AGMO: variants seen among roughly 807,000 people sequenced by gnomAD.
AGMO encodes the protein glyceryl-ether monooxygenase.
Under a neutral mutation model 60.2 loss-of-function variants are expected in AGMO, and 75 were observed. The ratio of observed to expected loss-of-function variants is 1.25; its 90% confidence interval spans 1.03 to 1.51. AGMO has a LOEUF of 1.51. AGMO is among the 40% of genes most tolerant of loss of function. AGMO has a pLI of 0.00. For missense variants in AGMO, 763 were observed against 525.5 expected (o/e 1.45, Z -4.42); for synonymous variants, 261 against 177.1 (o/e 1.47, Z -3.76).
intron 3 of AGMO, among the ~76,000 whole-genome samples, chr7:15,534,120 G>A (rs933349999): frequency 5.9e-5 from 9 of 151,914 alleles, no homozygotes; most frequent in African/African-American, 2.2e-4. Context: ...ATTAGCGTAA[G>A]AGAAGAAAGA....
chr7:15,214,052 T>C (rs1257273788), intron 12 of AGMO, among the ~76,000 whole-genome samples: 1 of 152,014 alleles, frequency 6.6e-6, no homozygotes, highest in Non-Finnish European at 1.5e-5. Context: ...AGTTTTTACA[T>C]GATCCATAAT....
chr7:15,365,784 C>G (rs573662856), intron 11 of AGMO, among the ~76,000 whole-genome samples, 165 bp from the exon 12 acceptor site: 13 of 152,134 alleles, frequency 8.5e-5, no homozygotes, highest in African/African-American at 2.9e-4. Context: ...TAAGAAAGAA[C>G]ACTCATCTTT....
intron 12 of AGMO, among the ~76,000 whole-genome samples, chr7:15,350,325 A>G (rs1273177912): frequency 6.6e-6 from 1 of 152,182 alleles, no homozygotes; most frequent in East Asian, 1.9e-4. Context: ...GCAAATATAA[A>G]ATCAGTTAAC....
intron 3 of AGMO, among the ~76,000 whole-genome samples, chr7:15,478,235 T>A (rs2128516020): frequency 6.6e-6 from 1 of 152,254 alleles, no homozygotes; most frequent in Non-Finnish European, 1.5e-5. Context: ...AGAAGTTGAA[T>A]TCATGCACTC....
At chr7:15,481,244 A>G (rs1782740427) in intron 3 of AGMO, among the ~76,000 whole-genome samples, 1 of 152,116 alleles carries the variant, frequency 6.6e-6, no homozygotes, top group African/African-American at 2.4e-5. Flanking sequence ...CCAGGATCCT[A>G]TCTGCATGTC....
intron 3 of AGMO, among the ~76,000 whole-genome samples, chr7:15,541,577 A>C (rs538972791): frequency 5.3e-5 from 8 of 152,208 alleles, no homozygotes; most frequent in Non-Finnish European, 1.2e-4. Context: ...CATAATTAGC[A>C]ATTTCTTTTT....
At chr7:15,350,442 AAGTTATTAG>A (rs1429723702) in intron 12 of AGMO, among the ~76,000 whole-genome samples, 1 of 152,154 alleles carries the variant, frequency 6.6e-6, no homozygotes, top group Non-Finnish European at 1.5e-5. Flanking sequence ...TTAAATAGCA[AAGTTATTAG>A]AGGTAGATAA....
intron 12 of AGMO, among the ~76,000 whole-genome samples, chr7:15,229,582 C>T (rs1326558858): frequency 6.7e-6 from 1 of 148,900 alleles, no homozygotes; most frequent in East Asian, 2.0e-4. Flanking sequence ...AGGGGAAAAA[C>T]GTGAGAACTT....
intron 12 of AGMO, among the ~76,000 whole-genome samples, chr7:15,363,571 G>A (rs1013727258): frequency 2.6e-5 from 4 of 152,020 alleles, no homozygotes; most frequent in Admixed American, 6.6e-5. Context: ...CAGGCAATAC[G>A]GCTTCAAAGT....
At chr7:15,354,387 T>TATATAGACGC (rs1563105157) in intron 12 of AGMO, among the ~76,000 whole-genome samples, 827 of 38,150 alleles carry the variant, frequency 0.022, 82 homozygotes, top group Non-Finnish European at 0.025. Context: ...TATACACGTG[T>TATATAGACGC]GTGTATACAC....
the AGMO span, among the ~76,000 whole-genome samples, chr7:15,147,840 A>C: frequency 6.6e-6 from 1 of 152,200 alleles, no homozygotes; most frequent in Non-Finnish European, 1.5e-5. Context: ...GTAATGGTAA[A>C]AAAAATACTG....
At chr7:15,178,443 G>T in the AGMO span, among the ~76,000 whole-genome samples, 1 of 152,094 alleles carries the variant, frequency 6.6e-6, no homozygotes, top group African/African-American at 2.4e-5. Flanking sequence ...GAAACACTTG[G>T]TTCCTTAGTT....
At chr7:15,501,481 T>TA (rs896156822) in intron 3 of AGMO, among the ~76,000 whole-genome samples, 379 of 149,574 alleles carry the variant, frequency 2.5e-3, no homozygotes, top group Non-Finnish European at 4.3e-3. Context: ...AAATTTTTAT[T>TA]AAAAAAAAAA....
the AGMO span, among the ~76,000 whole-genome samples, chr7:15,182,416 T>C: frequency 6.6e-6 from 1 of 152,156 alleles, no homozygotes; most frequent in Non-Finnish European, 1.5e-5. Flanking sequence ...ACTGTTTTTA[T>C]TTATTTATTA....
intron 3 of AGMO, among the ~76,000 whole-genome samples, chr7:15,498,851 G>A (rs541527566): frequency 6.6e-6 from 1 of 151,916 alleles, no homozygotes; most frequent in African/African-American, 2.4e-5. Flanking sequence ...TTTCTCAGCA[G>A]TGCTTCTAGA....
chr7:15,238,370 A>C lies in AGMO; in HGVS notation c.1264-37011T>G, dbSNP rs116649327. 8.6e-3 allele frequency among the ~76,000 whole-genome samples: 1,302 copies of C among 152,010 alleles called. 14 individuals are homozygous for C. The highest frequency in any genetic ancestry group is 0.03 in the African/African-American group (1,247 of 41,528). ...AAGTTCCAGGTGAAAATTATAGTTA[A>C]CAATAATTTATTGAATATTTTGAAA... On this transcript the variant is annotated intron_variant, in intron 12 of 12. Transcript: ENST00000342526.
chr7:15,296,847 C>A (rs1247899313), intron 12 of AGMO, among the ~76,000 whole-genome samples: 1 of 152,068 alleles, frequency 6.6e-6, no homozygotes, highest in African/African-American at 2.4e-5. Flanking sequence ...GAAATTTGTC[C>A]TTGAGTCTTA....
chr7:15,299,915 C>T (rs112945714), intron 12 of AGMO, among the ~76,000 whole-genome samples: 3 of 150,342 alleles, frequency 2.0e-5, no homozygotes, highest in African/African-American at 7.3e-5. Flanking sequence ...CATATCCTTT[C>T]CTCTTACTTA....
chr7:15,545,514 T>C (rs1272504982), intron 2 of AGMO, among the ~76,000 whole-genome samples: 1 of 151,876 alleles, frequency 6.6e-6, no homozygotes, highest in African/African-American at 2.4e-5. Flanking sequence ...ATATATATTA[T>C]ACTTATCATC....
Sources: allele counts gnomAD v4.1 joint callset (sites outside exome capture counted in the v4.1 genomes callset), GRCh38; gene constraint gnomAD v4.1.1; transcripts MANE v1.5; gene names NCBI Gene and HGNC (gene_info 2026-07-23, HGNC 2026-07-21).